Variants in ARHGAP21 observed in about 807,000 individuals in gnomAD.
ARHGAP21 encodes the protein Rho GTPase activating protein 21.
In ARHGAP21, 38 loss-of-function variants were observed where a neutral mutation model predicts 164.6. That is an observed-to-expected ratio of 0.23 (90% confidence interval 0.18 to 0.30). The LOEUF (loss-of-function observed/expected upper bound fraction) is 0.30. Ranked by LOEUF, ARHGAP21 falls within the 10% of genes least tolerant of loss-of-function variation. The pLI, the probability that ARHGAP21 is intolerant of heterozygous loss-of-function variation, is 1.00. For missense variants in ARHGAP21, 1,822 were observed against 2,370.7 expected (o/e 0.77, Z 4.81); for synonymous variants, 766 against 857.9 (o/e 0.89, Z 1.87).
chr10:24,597,033 C>T, intron 16 of ARHGAP21, 151 bp from the exon 17 acceptor site: 1 of 837,616 alleles, frequency 1.2e-6, no homozygotes, highest in South Asian at 2.3e-5. Flanking sequence ...ATGTTCTCTT[C>T]CATATAACTT....
intron 4 of ARHGAP21, among the ~76,000 whole-genome samples, chr10:24,652,856 C>T (rs1838331987): frequency 6.6e-6 from 1 of 152,094 alleles, no homozygotes; most frequent in African/African-American, 2.4e-5. Context: ...AACTGTTTAG[C>T]GGCATCTACT....
chr10:24,681,882 G>A (rs1406850330), intron 2 of ARHGAP21, among the ~76,000 whole-genome samples: 2 of 152,052 alleles, frequency 1.3e-5, no homozygotes, highest in Non-Finnish European at 2.9e-5. Context: ...TGTAACACTG[G>A]AAGATGGCAT....
At chr10:24,678,479 G>C (rs1399603866) in intron 2 of ARHGAP21, among the ~76,000 whole-genome samples, 1 of 151,954 alleles carries the variant, frequency 6.6e-6, no homozygotes, top group East Asian at 1.9e-4. Flanking sequence ...TTTTTCTTTT[G>C]GTTTGTTTCT....
At chr10:24,602,267 A>C (rs2076844395) in intron 12 of ARHGAP21, among the ~76,000 whole-genome samples, 164 bp from the exon 13 acceptor site, 1 of 152,234 alleles carries the variant, frequency 6.6e-6, no homozygotes, top group Non-Finnish European at 1.5e-5. Context: ...CTCATTTAAA[A>C]AATGTGAATT....
Position 24,584,508 on chromosome 10 carries a change from C to T in ARHGAP21, c.5781G>A (p.Gln1927=), listed in dbSNP as rs1187790779. The T allele has an allele frequency of 6.2e-7, 1 of 1,613,886 alleles. No homozygotes were observed. The highest frequency in any genetic ancestry group is 2.2e-5 in the East Asian group (1 of 44,882). The change falls in exon 26 of 26, where the codon CAG becomes CAA. Residue 1927 remains glutamine (Q), a synonymous_variant. Transcript: ENST00000396432. ...SPDQINGESF[Q]NVSKNASSAA... Reference sequence around the variant, plus strand: ...CAGAACTAGCATTTTTGCTCACGTTCTGGAAGCTTTCTCCGTTTATTTGGT... The same window carrying T: ...CAGAACTAGCATTTTTGCTCACGTTTTGGAAGCTTTCTCCGTTTATTTGGT...
intron 2 of ARHGAP21, among the ~76,000 whole-genome samples, chr10:24,683,790 GCA>G (rs1841989969): frequency 2.0e-5 from 3 of 152,156 alleles, no homozygotes; most frequent in Non-Finnish European, 4.4e-5. Flanking sequence ...CTTTGGACAT[GCA>G]CACATCTCAC....
At chr10:24,629,867 A>G (rs1327130253) in intron 7 of ARHGAP21, 129 bp downstream of exon 7, 1 of 749,118 alleles carries the variant, frequency 1.3e-6, no homozygotes, top group Non-Finnish European at 2.4e-6. Context: ...CAGATTCTGT[A>G]AAAGGAACCA....
intron 4 of ARHGAP21, among the ~76,000 whole-genome samples, chr10:24,652,486 G>A (rs914341496): frequency 3.9e-5 from 6 of 152,022 alleles, no homozygotes; most frequent in Non-Finnish European, 8.8e-5. Flanking sequence ...ATCATTCAGA[G>A]GACATTAAAA....
intron 4 of ARHGAP21, among the ~76,000 whole-genome samples, chr10:24,638,292 T>C (rs747697027): frequency 5.3e-5 from 8 of 152,360 alleles, no homozygotes; most frequent in Non-Finnish European, 4.4e-5. Flanking sequence ...GATTTCACTA[T>C]GAAATATACT....
chr10:24,614,947 G>A (rs925136367), intron 9 of ARHGAP21, among the ~76,000 whole-genome samples: 1 of 152,000 alleles, frequency 6.6e-6, no homozygotes, highest in African/African-American at 2.4e-5. Context: ...AGCACTTTGG[G>A]AGGCTGAGGG....
chr10:24,634,442 T>C (rs1836171224), intron 5 of ARHGAP21, among the ~76,000 whole-genome samples: 2 of 152,218 alleles, frequency 1.3e-5, no homozygotes, highest in African/African-American at 4.8e-5. Flanking sequence ...TGTGCACTAA[T>C]ATAAATGAAA....
At chr10:24,697,473 A>G (rs1843274148) in intron 2 of ARHGAP21, among the ~76,000 whole-genome samples, 1 of 151,878 alleles carries the variant, frequency 6.6e-6, no homozygotes, top group Admixed American at 6.6e-5. Flanking sequence ...TTCAGTTCAC[A>G]TTTTCTCCAC....
At chr10:24,722,320 G>C (rs1039155634) in intron 1 of ARHGAP21, 41 bp from the exon 2 acceptor site, 3 of 178,964 alleles carry the variant, frequency 1.7e-5, no homozygotes, top group Non-Finnish European at 2.4e-5. Flanking sequence ...CTTTCTCCAG[G>C]CGCCTATCAC....
At chr10:24,658,845 C>G (rs1264974099) in intron 4 of ARHGAP21, among the ~76,000 whole-genome samples, 4 of 152,084 alleles carry the variant, frequency 2.6e-5, no homozygotes, top group African/African-American at 9.6e-5. Flanking sequence ...ACCTCAACAA[C>G]AAAAAACAAC....
chr10:24,619,443 A>C (rs758654312), intron 9 of ARHGAP21, 30 bp downstream of exon 9: 1 of 1,573,430 alleles, frequency 6.4e-7, no homozygotes, highest in South Asian at 1.2e-5. Flanking sequence ...TACATTTGGC[A>C]TATTAGCCAA....
intron 4 of ARHGAP21, among the ~76,000 whole-genome samples, chr10:24,652,832 C>T (rs1052003192): frequency 2.0e-5 from 3 of 152,102 alleles, no homozygotes; most frequent in African/African-American, 7.2e-5. Flanking sequence ...TAAATGGGTA[C>T]GGTCCCCTCA....
At chr10:24,591,461 A>G in intron 23 of ARHGAP21, 131 bp from the exon 24 acceptor site, 1 of 1,096,094 alleles carries the variant, frequency 9.1e-7, no homozygotes, top group Non-Finnish European at 1.3e-6. Context: ...TTGTTTACGC[A>G]TAATTAACTG....
At chr10:24,628,830 T>C (rs1296737432) in intron 7 of ARHGAP21, among the ~76,000 whole-genome samples, 1 of 145,272 alleles carries the variant, frequency 6.9e-6, no homozygotes, top group Non-Finnish European at 1.5e-5. Context: ...TACACACATA[T>C]ATGTACATAT....
At chr10:24,589,865 A>G (rs1025146272) in intron 24 of ARHGAP21, 1 of 155,990 alleles carries the variant, frequency 6.4e-6, no homozygotes, top group Admixed American at 6.4e-5. Context: ...AATAATGTTT[A>G]TCTTTGTGCT....
Sources: allele counts gnomAD v4.1 joint callset (sites outside exome capture counted in the v4.1 genomes callset), GRCh38; gene constraint gnomAD v4.1.1; transcripts MANE v1.5; gene names NCBI Gene and HGNC (gene_info 2026-07-23, HGNC 2026-07-21).